The following MRPL24 variants were observed in gnomAD, a reference collection of about 807,000 sequenced individuals.
MRPL24 encodes large ribosomal subunit protein uL24m.
In MRPL24, 15 loss-of-function variants were observed where a neutral mutation model predicts 26.9. The ratio of observed to expected loss-of-function variants is 0.56; its 90% CI spans 0.37 to 0.86. The LOEUF (loss-of-function observed/expected upper bound fraction) is 0.86. Among genes scored for constraint, MRPL24 ranks in the 40% least tolerant of loss-of-function variants. MRPL24 has a pLI of 0.00. For synonymous variants in MRPL24, 92 were observed against 102.4 expected (o/e 0.90, Z 0.62); for missense variants, 241 against 281.4 (o/e 0.86, Z 1.03).
intron 3 of MRPL24, 24 bp from the exon 4 acceptor site, chr1:156,738,158 G>C: frequency 6.2e-7 from 1 of 1,611,486 alleles, no homozygotes; most frequent in South Asian, 1.1e-5. Flanking sequence ...GGGAGTGTCA[G>C]AAAGCACGGG....
In MRPL24 at chr1:156,738,801, G is replaced by A. The variant is rs957643815; in HGVS notation, c.-60-37C>T. The A allele has an allele frequency of 3.4e-6, 4 of 1,189,228 alleles. No individual in the cohort carries two copies. In the African/African-American group the frequency reaches 6.1e-5, roughly 18 times the overall value. The allele number at this position is 1,189,228 out of a possible 1,614,324, so 73.7% of individuals were successfully genotyped here. A position where few individuals can be genotyped will look rare whatever the true frequency, so the allele number is the denominator to read the frequency against. On this transcript the variant is annotated intron_variant, in intron 1 of 5. Transcript: ENST00000361531. ...GATAGAAACGGGAACAAAGAGGCAA[G>A]GGAAGGAACATTTTTTAAAGCACTT... is the stretch of plus-strand genomic sequence containing the variant.
At chr1:156,741,600 CAG>C (rs959811961), upstream of MRPL24, 1 of 152,114 alleles carries the variant, frequency 6.6e-6, no homozygotes, top group Non-Finnish European at 1.5e-5. Context: ...TGGAAGGAAA[CAG>C]AAATGATCTA....
intron 3 of MRPL24, 64 bp from the exon 4 acceptor site, chr1:156,738,198 G>T: frequency 6.4e-7 from 1 of 1,572,740 alleles, no homozygotes; most frequent in Non-Finnish European, 8.7e-7. Flanking sequence ...TTGCTACTCG[G>T]CGCATTCAGC....
At chr1:156,738,290 AG>A in intron 3 of MRPL24, 52 bp downstream of exon 3, 1 of 1,576,724 alleles carries the variant, frequency 6.3e-7, no homozygotes, top group Non-Finnish European at 8.7e-7. Context: ...CTGAATGGAG[AG>A]GGACAGATGA....
chr1:156,741,281 G>A (rs1374918820), upstream of MRPL24: 2 of 152,268 alleles, frequency 1.3e-5, no homozygotes, highest in Admixed American at 1.3e-4. Flanking sequence ...CATGAAGCAT[G>A]TCGGGAATCG....
In MRPL24 at chr1:156,738,366, C is replaced by T. The variant is rs1442714717; in HGVS notation, c.256G>A (p.Val86Met). The T allele has an allele frequency of 6.2e-7, 1 of 1,614,084 alleles. No individual in the cohort carries two copies. Among genetic ancestry groups the T allele is most frequent in the Non-Finnish European group, 8.5e-7 (1 of 1,180,048 alleles). The change falls in exon 3 of 6, where the codon GTG becomes ATG. Residue 86 changes from valine to methionine, a missense_variant. By Grantham distance (21) the Val-to-Met change is conservative (BLOSUM62 1). Transcript: ENST00000361531. ...VVQVIRQRNWVVVGGLNTHYR... is the reference protein window; with the variant it reads ...VVQVIRQRNWMVVGGLNTHYR... Reference sequence around the variant, plus strand: ...ACTGTGTTCAGCCCTCCCACGACCACCCAGTTTCGCTGCCGGATAACTTGA... The same window carrying T: ...ACTGTGTTCAGCCCTCCCACGACCATCCAGTTTCGCTGCCGGATAACTTGA...
rs148146992 is a variant in MRPL24 at position 156,738,039 on chromosome 1, A to G, written c.375T>C (p.Pro125=). ...AGAGCCCCGTTGCTTGCCTGTCCAT[A>G]GGATCCACAAGTTTGACCTGGCGGT... ...LLHRQVKLVD[P]MDRKPTEIEW... The change falls in exon 4 of 6, where the codon CCT becomes CCC. Residue 125 remains proline (P), a synonymous_variant. Coordinates refer to ENST00000361531, the MANE Select transcript of MRPL24 (RefSeq NM_145729.3). 37 of 1,613,904 alleles carry G rather than the reference A, an allele frequency of 2.3e-5. No homozygotes were observed. In the African/African-American group the frequency reaches 4.3e-4, roughly 19 times the overall value.
At chr1:156,739,156 A>T (rs1030282952) in intron 1 of MRPL24, among the ~76,000 whole-genome samples, 1 of 152,216 alleles carries the variant, frequency 6.6e-6, no homozygotes, top group African/African-American at 2.4e-5. Flanking sequence ...GCAGTTGTAA[A>T]TCAGTGAAAT....
In MRPL24 at chr1:156,741,085, A is replaced by G. The variant is rs963430455; in HGVS notation, c.-134T>C. The G allele has an allele frequency of 2.0e-5, 3 of 152,216 alleles. No individual in the cohort carries two copies. The highest frequency in any genetic ancestry group is 7.2e-5 in the African/African-American group (3 of 41,442). 9.4% of individuals were successfully genotyped at this position (152,216 alleles called of 1,614,324 possible). A position where few individuals can be genotyped will look rare whatever the true frequency, so the allele number is the denominator to read the frequency against. On this transcript the variant is annotated 5_prime_UTR_variant, in exon 1 of 6. Coordinates refer to ENST00000361531, the MANE Select transcript of MRPL24 (RefSeq NM_145729.3). Reference sequence around the variant, plus strand: ...TTCCGCGGCACTTCGGATTTTCAGCACATGGGCCCTCAGCGTCCCCTCCCC... The same window carrying G: ...TTCCGCGGCACTTCGGATTTTCAGCGCATGGGCCCTCAGCGTCCCCTCCCC...
In MRPL24 at chr1:156,737,459, T is replaced by A. The variant is rs1432807121; in HGVS notation, c.590A>T (p.Glu197Val). Residue 197 changes from glutamate (E) to valine (V), a missense_variant, in exon 6 of 6, where the codon GAG (glutamate) becomes GTG (valine). Glu to Val is a moderately radical substitution (Grantham distance 121). Coordinates refer to ENST00000361531, the MANE Select transcript of MRPL24 (RefSeq NM_145729.3). ...CTTGATCCCCATGGCCTCCATCACC[T>A]CCTCCTGCAGTGTCTTTAGACAGGG... ...YVPCLKTLQE[E>V]VMEAMGIKET... 4.3e-6 allele frequency: 7 copies of A among 1,612,392 alleles called. No homozygotes were observed. Among genetic ancestry groups the A allele is most frequent in the Admixed American group, 1.7e-5 (1 of 59,696 alleles).
upstream of MRPL24, chr1:156,741,976 A>C (rs1047644665): frequency 1.3e-5 from 2 of 152,572 alleles, no homozygotes; most frequent in African/African-American, 4.8e-5. Context: ...GGATTTCCAA[A>C]TGCCTAAAAA....
At position 156,738,081 on chromosome 1, in the gene MRPL24, A is replaced by C. The variant is rs1558026267; in HGVS notation, c.333T>G (p.Ser111Arg). ...TMDYRGTMIP[S>R]EAPLLHRQVK... is the part of the protein sequence containing the mutation. ...CCTGGCGGTGGAGCAAGGGGGCTTC[A>C]CTAGGGATCATGGTTCCCCGGTAAT... is the stretch of plus-strand genomic sequence containing the variant. The change falls in exon 4 of 6, where the codon AGT (serine) becomes AGG (arginine). Residue 111 changes from serine to arginine, a missense_variant. Transcript: ENST00000361531. 3.7e-6 allele frequency: 6 copies of C among 1,614,192 alleles called. No individual in the cohort carries two copies. Among genetic ancestry groups the C allele is most frequent in the South Asian group, 1.1e-5 (1 of 91,086 alleles).
chr1:156,741,851 A>C (rs1046786854), upstream of MRPL24, among the ~76,000 whole-genome samples: 1 of 152,156 alleles, frequency 6.6e-6, no homozygotes, highest in Admixed American at 6.5e-5. Context: ...CCCACACCCC[A>C]CTTCTTGTGC....
chr1:156,741,311 T>A (rs892032698), upstream of MRPL24: 1 of 152,206 alleles, frequency 6.6e-6, no homozygotes, highest in Non-Finnish European at 1.5e-5. Flanking sequence ...CTGGTTCGGC[T>A]GGCCCGCCTG....
chr1:156,737,488 A>G lies in MRPL24; in HGVS notation c.561T>C (p.Tyr187=), dbSNP rs1387175619. The stretch of plus-strand genomic sequence containing the variant: ...CCTGCAGTGTCTTTAGACAGGGCAC[A>G]TAGGTTCTTTCTAAAGCATCTTCCA... The part of the protein sequence containing the change: ...TSVEDALERT[Y]VPCLKTLQEE... Residue 187 remains tyrosine, a synonymous_variant, in exon 6 of 6, where the codon TAT becomes TAC. Coordinates refer to ENST00000361531, the MANE Select transcript of MRPL24 (RefSeq NM_145729.3). 2.5e-6 allele frequency: 4 copies of G among 1,611,972 alleles called. No homozygotes were observed. The highest frequency in any genetic ancestry group is 2.2e-5 in the East Asian group (1 of 44,886).
chr1:156,737,722 G>C lies in MRPL24; in HGVS notation c.438C>G (p.Val146=), dbSNP rs535671019. 1 of 1,614,158 alleles carries C rather than the reference G, an allele frequency of 6.2e-7. No individual in the cohort carries two copies. The highest frequency in any genetic ancestry group is 1.7e-5 in the Admixed American group (1 of 60,012). The stretch of plus-strand genomic sequence containing the variant: ...GGATAATTCTCCCTGATCGTGTGGA[G>C]ACTCGTACCCGCTCTCCTGCTTCAG... ...RFTEAGERVR[V]STRSGRIIPK... Residue 146 remains valine (V), a synonymous_variant, in exon 5 of 6, where the codon GTC becomes GTG. Coordinates refer to ENST00000361531, the MANE Select transcript of MRPL24 (RefSeq NM_145729.3).
At chr1:156,741,477 G>C (rs1270433633), upstream of MRPL24, 1 of 152,230 alleles carries the variant, frequency 6.6e-6, no homozygotes, top group Non-Finnish European at 1.5e-5. Context: ...GTCCTTCTCT[G>C]CTGGAGTGGG....
chr1:156,738,812 T>C (rs1649984665), intron 1 of MRPL24, 48 bp from the exon 2 acceptor site: 1 of 1,030,792 alleles, frequency 9.7e-7, no homozygotes. Flanking sequence ...GGAAGGAACA[T>C]TTTTTAAAGC....
Position 156,737,380 on chromosome 1 carries a change from A to T in MRPL24, c.*18T>A. The T allele has an allele frequency of 1.3e-6, 2 of 1,544,884 alleles. No homozygotes were observed. The highest frequency in any genetic ancestry group is 1.7e-6 in the Non-Finnish European group (2 of 1,152,744). ...AAGGCTGGGACAGAAGTTGGGGAGG[A>T]GCTGCTCTGCCCCAGGCTCAATACC... On this transcript the variant is annotated 3_prime_UTR_variant, in exon 6 of 6. Transcript: ENST00000361531.
Sources: gnomAD v4.1 joint callset for allele counts (sites outside exome capture counted in the v4.1 genomes callset) on GRCh38, gnomAD v4.1.1 for gene constraint, MANE v1.5 for transcripts, NCBI Gene and HGNC (gene_info 2026-07-23, HGNC 2026-07-21) for gene names.